BLZF1: variants seen among roughly 807,000 people sequenced by gnomAD.
BLZF1 encodes the protein basic leucine zipper nuclear factor 1.
A neutral mutation model predicts 43.8 loss-of-function variants in BLZF1; 39 were observed. The ratio of observed to expected loss-of-function variants is 0.89; its 90% CI spans 0.69 to 1.16. The LOEUF is 1.16. Among genes scored for constraint, BLZF1 ranks in the 50% most tolerant of loss-of-function variants. The probability of loss-of-function intolerance (pLI) is 0.00; values close to 1 mark genes in which losing one functional copy is unlikely to be tolerated. For synonymous variants in BLZF1, 136 were observed against 159.4 expected, an observed-to-expected ratio of 0.85 and a Z score of 1.11; for missense variants, 449 against 469.8, an observed-to-expected ratio of 0.96 and a Z score of 0.41.
intron 2 of BLZF1, among the ~76,000 whole-genome samples, chr1:169,371,663 A>G (rs941606379): frequency 6.6e-6 from 1 of 152,198 alleles, no homozygotes; most frequent in Non-Finnish European, 1.5e-5. Flanking sequence ...CTGTCATCAT[A>G]AGAGGGTTGT....
chr1:169,379,316 G>C (rs1198128970), intron 4 of BLZF1, among the ~76,000 whole-genome samples: 3 of 151,966 alleles, frequency 2.0e-5, no homozygotes, highest in Non-Finnish European at 4.4e-5. Flanking sequence ...TTAGGAAAAT[G>C]TTTTTTCATG....
chr1:169,370,523 C>T (rs923333336), intron 2 of BLZF1, among the ~76,000 whole-genome samples: 5 of 152,038 alleles, frequency 3.3e-5, no homozygotes, highest in Admixed American at 6.6e-5. Flanking sequence ...CTGTCCAATG[C>T]GGTAATTACA....
intron 6 of BLZF1, among the ~76,000 whole-genome samples, chr1:169,382,824 A>G (rs1469798176): frequency 6.6e-6 from 1 of 152,182 alleles, no homozygotes; most frequent in East Asian, 1.9e-4. Flanking sequence ...GCCTGTCGCC[A>G]TAACTCTTGC....
intron 1 of BLZF1, among the ~76,000 whole-genome samples, chr1:169,368,851 A>G (rs900975967): frequency 6.6e-6 from 1 of 152,172 alleles, no homozygotes; most frequent in African/African-American, 2.4e-5. Context: ...TCATATTTAT[A>G]TCATTGCAGT....
At chr1:169,391,906 CTTG>C (rs1654825212), downstream of BLZF1, among the ~76,000 whole-genome samples, 1 of 71,372 alleles carries the variant, frequency 1.4e-5, no homozygotes, top group Non-Finnish European at 4.6e-5. Flanking sequence ...CACAATAAAA[CTTG>C]TTCAATCCTA....
intron 3 of BLZF1, among the ~76,000 whole-genome samples, chr1:169,377,585 C>T (rs949651934): frequency 1.3e-5 from 2 of 151,944 alleles, no homozygotes; most frequent in Non-Finnish European, 2.9e-5. Context: ...ACTAATTTCT[C>T]ATTACAAAAT....
chr1:169,375,393 C>CATAT (rs58679820), intron 2 of BLZF1, among the ~76,000 whole-genome samples: 3,761 of 85,492 alleles, frequency 0.044, 235 homozygotes, highest in South Asian at 0.066. Context: ...ATATATAAAA[C>CATAT]ATATATATAT....
At position 169,377,266 on chromosome 1, in the gene BLZF1, A is replaced by T. The variant is rs182069400; in HGVS notation, c.468+287A>T. On this transcript the variant is annotated intron_variant, in intron 3 of 6. Transcript: ENST00000367808. The stretch of plus-strand genomic sequence containing the variant: ...TTACAATTATAAACTGCCAGACCAA[A>T]GATTGACCAAGTCAGGCATAGTAAT... The T allele has an allele frequency of 2.1e-4, 81 of 383,586 alleles. No individual in the cohort carries two copies. In the East Asian group the frequency reaches 3.3e-3, roughly 15 times the overall value. The allele number at this position is 383,586 out of a possible 1,614,324, so 23.8% of individuals were successfully genotyped here.
rs1654030877 is a variant in BLZF1, at chr1:169,369,461, A to G, written c.-50-12A>G. On this transcript the variant is annotated splice_polypyrimidine_tract_variant and intron_variant, in intron 1 of 6. Transcript: ENST00000367808. ...ATATTTTTAAAATTATTTCATATGC[A>G]TACATTTCTAGGTTGTTCAGCAGAA... The G allele has an allele frequency of 2.9e-6, 4 of 1,399,574 alleles. No homozygotes were observed. Among genetic ancestry groups the G allele is most frequent in the African/African-American group, 1.5e-5 (1 of 68,860 alleles). The allele number at this position is 1,399,574 out of a possible 1,614,324, so 86.7% of individuals were successfully genotyped here.
chr1:169,384,596 G>A (rs1654618790), intron 6 of BLZF1, among the ~76,000 whole-genome samples: 1 of 152,112 alleles, frequency 6.6e-6, no homozygotes, highest in African/African-American at 2.4e-5. Flanking sequence ...CATTCCAGCA[G>A]GGTTTAACCA....
At chr1:169,383,092 C>G (rs575973255) in intron 6 of BLZF1, among the ~76,000 whole-genome samples, 1 of 152,280 alleles carries the variant, frequency 6.6e-6, no homozygotes, top group South Asian at 2.1e-4. Flanking sequence ...GAGTATGCTG[C>G]AAACCCCAGT....
intron 6 of BLZF1, among the ~76,000 whole-genome samples, chr1:169,383,440 GTAA>G: frequency 6.6e-6 from 1 of 152,196 alleles, no homozygotes; most frequent in South Asian, 2.1e-4. Flanking sequence ...TCCCTCTATT[GTAA>G]GATGTCTGGA....
intron 3 of BLZF1, chr1:169,377,290 ATTGACCAGCAGTCC>A (rs1654390130): frequency 3.0e-6 from 1 of 333,206 alleles, no homozygotes; most frequent in Non-Finnish European, 5.4e-6. Flanking sequence ...AGGCATAGTA[ATTGACCAGCAGTCC>A]TTGTTTTAAG....
intron 5 of BLZF1, 32 bp from the exon 6 acceptor site, chr1:169,382,030 C>A: frequency 1.3e-6 from 2 of 1,534,070 alleles, no homozygotes; most frequent in Non-Finnish European, 1.8e-6. Flanking sequence ...TGCTCTCTTA[C>A]TATGTCCGGT....
At chr1:169,383,435 CTATTG>C (rs1377309196) in intron 6 of BLZF1, among the ~76,000 whole-genome samples, 1 of 152,156 alleles carries the variant, frequency 6.6e-6, no homozygotes, top group Non-Finnish European at 1.5e-5. Flanking sequence ...AATCTTCCCT[CTATTG>C]TAAGATGTCT....
Position 169,387,206 on chromosome 1 carries a change from T to C in BLZF1, c.*24T>C, listed in dbSNP as rs1654702940. The C allele has an allele frequency of 6.3e-7, 1 of 1,599,950 alleles. No homozygotes were observed. Among genetic ancestry groups the C allele is most frequent in the Non-Finnish European group, 8.5e-7 (1 of 1,173,806 alleles). On this transcript the variant is annotated 3_prime_UTR_variant, in exon 7 of 7. Coordinates refer to ENST00000367808, the MANE Select transcript of BLZF1 (RefSeq NM_001320973.2). ...AACAGTCAATATGTTGGAGGCATGC[T>C]AAGGTACTTCCTTATTACCCAAGAG...
At chr1:169,393,827 C>A (rs964830566) in intron 7 of BLZF1, among the ~76,000 whole-genome samples, 2 of 152,052 alleles carry the variant, frequency 1.3e-5, no homozygotes, top group Non-Finnish European at 2.9e-5. Context: ...GTCTCAAACT[C>A]CTGGCCTCAA....
intron 6 of BLZF1, among the ~76,000 whole-genome samples, chr1:169,382,806 G>A (rs1458753691): frequency 6.6e-6 from 1 of 152,068 alleles, no homozygotes; most frequent in African/African-American, 2.4e-5. Context: ...GTCCCCATCT[G>A]GGTCCCTGCC....
chr1:169,394,465 C>G (rs930421899), intron 7 of BLZF1, among the ~76,000 whole-genome samples: 4 of 151,956 alleles, frequency 2.6e-5, no homozygotes, highest in Non-Finnish European at 4.4e-5. Context: ...GTTTTTCAAC[C>G]CTTGCTCCCT....
Sources: gnomAD v4.1 joint callset for allele counts (sites outside exome capture counted in the v4.1 genomes callset) on GRCh38, gnomAD v4.1.1 for gene constraint, MANE v1.5 for transcripts, NCBI Gene and HGNC (gene_info 2026-07-23, HGNC 2026-07-21) for gene names.